Variants in TMEM135 observed in about 807,000 individuals in gnomAD.
TMEM135 encodes the protein transmembrane protein 135.
In TMEM135, 30 loss-of-function variants were observed where a neutral mutation model predicts 60.3. The observed-to-expected ratio is 0.50, with a 90% CI of 0.37 to 0.68. TMEM135 has a LOEUF of 0.68. TMEM135 is among the 30% of genes least tolerant of loss of function. TMEM135 has a pLI of 0.00. For synonymous variants in TMEM135, 190 were observed against 186.7 expected (o/e 1.02, Z -0.14); for missense variants, 468 against 548.8 (o/e 0.85, Z 1.47).
At chr11:87,085,590 T>C (rs1257939706) in intron 3 of TMEM135, among the ~76,000 whole-genome samples, 1 of 152,088 alleles carries the variant, frequency 6.6e-6, no homozygotes, top group African/African-American at 2.4e-5. Context: ...AACCTTGCTC[T>C]ACCCAAAATA....
intron 5 of TMEM135, among the ~76,000 whole-genome samples, chr11:87,229,873 T>A (rs1940853909): frequency 6.6e-6 from 1 of 152,020 alleles, no homozygotes; most frequent in Admixed American, 6.6e-5. Flanking sequence ...TTATTCTGTT[T>A]GAATTTTTGT....
At chr11:87,254,693 C>T (rs971242436) in intron 6 of TMEM135, among the ~76,000 whole-genome samples, 1 of 152,018 alleles carries the variant, frequency 6.6e-6, no homozygotes, top group African/African-American at 2.4e-5. Context: ...ACATTGATGT[C>T]CAGCATGTTA....
intron 10 of TMEM135, among the ~76,000 whole-genome samples, chr11:87,310,551 C>T: frequency 6.6e-6 from 1 of 151,392 alleles, no homozygotes; most frequent in East Asian, 1.9e-4. Flanking sequence ...TACCCCAAAC[C>T]TCTGCACCAC....
intron 5 of TMEM135, among the ~76,000 whole-genome samples, chr11:87,227,600 A>C (rs1370745483): frequency 3.9e-5 from 6 of 152,176 alleles, no homozygotes; most frequent in Non-Finnish European, 7.4e-5. Context: ...TTAATTAAAC[A>C]ATGATTTAAA....
intron 10 of TMEM135, among the ~76,000 whole-genome samples, chr11:87,310,490 G>A (rs1942622686): frequency 6.6e-6 from 1 of 151,966 alleles, no homozygotes; most frequent in African/African-American, 2.4e-5. Flanking sequence ...GAGGGAGGGA[G>A]GGAGCAGGGC....
chr11:87,294,068 A>ATCTTAC (rs1942310527), intron 6 of TMEM135, among the ~76,000 whole-genome samples: 2 of 152,056 alleles, frequency 1.3e-5, no homozygotes, highest in Admixed American at 1.3e-4. Flanking sequence ...CTGGCATGAG[A>ATCTTAC]TGGTATCTCA....
Position 87,322,046 on chromosome 11 carries a change from A to G in TMEM135, c.*713A>G, listed in dbSNP as rs1057377841. 3.1e-5 allele frequency: 14 copies of G among 454,344 alleles called. No individual in the cohort carries two copies. The highest frequency in any genetic ancestry group is 5.3e-5 in the Non-Finnish European group (12 of 226,760). The allele number at this position is 454,344 out of a possible 1,614,324, so 28.1% of individuals were successfully genotyped here. On this transcript the variant is annotated 3_prime_UTR_variant, in exon 15 of 15. Coordinates refer to ENST00000305494, the MANE Select transcript of TMEM135 (RefSeq NM_022918.4). The stretch of plus-strand genomic sequence containing the variant: ...TGTACTAATGGCAAGTTAGGGGCAA[A>G]TGGAAATGGACACATCCGATAAAGT...
chr11:87,222,579 G>A (rs1362763491), intron 5 of TMEM135, among the ~76,000 whole-genome samples: 7 of 151,568 alleles, frequency 4.6e-5, no homozygotes, highest in Admixed American at 2.0e-4. Flanking sequence ...TGAGGCGGGC[G>A]GATCACCTGA....
intron 1 of TMEM135, among the ~76,000 whole-genome samples, chr11:87,059,673 A>C (rs560845107): frequency 1.3e-5 from 2 of 152,232 alleles, no homozygotes; most frequent in African/African-American, 4.8e-5. Context: ...TAATAAAACA[A>C]AACTGCACAA....
At chr11:87,174,096 C>T (rs1939310461) in intron 5 of TMEM135, among the ~76,000 whole-genome samples, 1 of 152,000 alleles carries the variant, frequency 6.6e-6, no homozygotes, top group Non-Finnish European at 1.5e-5. Flanking sequence ...ATGGTGAAAA[C>T]TTAGTTTTGA....
chr11:87,282,423 G>A (rs760371817), intron 6 of TMEM135, among the ~76,000 whole-genome samples: 2 of 151,996 alleles, frequency 1.3e-5, no homozygotes, highest in Non-Finnish European at 2.9e-5. Flanking sequence ...AGCCACCATG[G>A]CCGGCTAATT....
At chr11:87,298,489 A>G (rs1301243897) in intron 7 of TMEM135, among the ~76,000 whole-genome samples, 2 of 152,214 alleles carry the variant, frequency 1.3e-5, no homozygotes, top group African/African-American at 2.4e-5. Flanking sequence ...AAGCTTTAAA[A>G]TATTAAATTT....
intron 5 of TMEM135, among the ~76,000 whole-genome samples, chr11:87,188,991 T>C (rs1439643139): frequency 6.7e-6 from 1 of 149,032 alleles, no homozygotes; most frequent in African/African-American, 2.5e-5. Context: ...ATTTATTTAC[T>C]CATTCTGTTG....
At chr11:87,062,896 T>G (rs1330243459) in intron 1 of TMEM135, among the ~76,000 whole-genome samples, 2 of 152,246 alleles carry the variant, frequency 1.3e-5, no homozygotes, top group Non-Finnish European at 2.9e-5. Context: ...GGATTTTTCA[T>G]AGAAATAATT....
chr11:87,129,179 T>A (rs1280804834), intron 4 of TMEM135, among the ~76,000 whole-genome samples: 4 of 151,260 alleles, frequency 2.6e-5, no homozygotes, highest in Admixed American at 1.3e-4. Flanking sequence ...ATTAGCAGAA[T>A]TTGCTTTTTT....
chr11:87,129,543 A>ATTT (rs1565453946), intron 4 of TMEM135, among the ~76,000 whole-genome samples: 3 of 41,614 alleles, frequency 7.2e-5, no homozygotes, highest in African/African-American at 5.6e-4. Flanking sequence ...ATGCTTGGCC[A>ATTT]ATTTTTTTTT....
chr11:87,299,073 A>G (rs1942400020), intron 7 of TMEM135, among the ~76,000 whole-genome samples: 1 of 152,148 alleles, frequency 6.6e-6, no homozygotes, highest in Non-Finnish European at 1.5e-5. Context: ...GGGCAATAAG[A>G]GCAAAAACTC....
intron 2 of TMEM135, among the ~76,000 whole-genome samples, chr11:87,070,007 TAAA>T (rs58046118): frequency 1.4e-5 from 2 of 141,656 alleles, no homozygotes; most frequent in Admixed American, 7.1e-5. Flanking sequence ...CTCTGCCTGT[TAAA>T]AAAAAAAAAA....
chr11:87,049,482 A>C (rs1307908570), intron 1 of TMEM135, among the ~76,000 whole-genome samples: 1 of 121,078 alleles, frequency 8.3e-6, no homozygotes, highest in East Asian at 2.4e-4. Flanking sequence ...TCTACCAAGC[A>C]AATGGAAAAC....
Sources: gnomAD v4.1 joint callset for allele counts (sites outside exome capture counted in the v4.1 genomes callset) on GRCh38, gnomAD v4.1.1 for gene constraint, MANE v1.5 for transcripts, NCBI Gene and HGNC (gene_info 2026-07-23, HGNC 2026-07-21) for gene names.